GRIP1: variants seen among roughly 807,000 people sequenced by gnomAD.
GRIP1 encodes the protein glutamate receptor interacting protein 1.
A neutral mutation model predicts 129.9 loss-of-function variants in GRIP1; 45 were observed. That is an observed-to-expected ratio of 0.35 (90% CI 0.27 to 0.44). The LOEUF (loss-of-function observed/expected upper bound fraction) is 0.44, where lower values mean the gene tolerates loss of function less well. Among genes scored for constraint, GRIP1 ranks in the 20% least tolerant of loss-of-function variants. The pLI is 1.00. For missense variants in GRIP1, 1,196 were observed against 1,396.8 expected, an observed-to-expected ratio of 0.86 and a Z score of 2.29; for synonymous variants, 530 against 520.8, an observed-to-expected ratio of 1.02 and a Z score of -0.24.
Position 66,392,442 on chromosome 12 carries a change from T to C in GRIP1, c.2330A>G (p.Asp777Gly), listed in dbSNP as rs757781712. The change falls in exon 19 of 25, where the codon GAT becomes GGT. Residue 777 changes from aspartate (D) to glycine (G), a missense_variant. Physicochemically the swap from Asp to Gly is moderately conservative, Grantham distance 94 (BLOSUM62 -1). This residue lies in a region of GRIP1 where 427 missense variants were observed against 463.3 expected (regional missense o/e 0.92). Coordinates refer to ENST00000359742, the MANE Select transcript of GRIP1 (RefSeq NM_001366722.1). ...PISSHLSDLG[D>G]VEEDSSPAQK... ...TGCTGGTGAGGAGTCCTCCTCCACATCCCCCAGGTCACTCAAATGGCTAGA... is the reference window on the plus strand; with the variant it reads ...TGCTGGTGAGGAGTCCTCCTCCACACCCCCCAGGTCACTCAAATGGCTAGA... 1 of 1,614,012 alleles carries C rather than the reference T, an allele frequency of 6.2e-7. No individual in the cohort carries two copies. The highest frequency in any genetic ancestry group is 1.7e-5 in the Admixed American group (1 of 60,012).
intron 1 of GRIP1, among the ~76,000 whole-genome samples, chr12:66,667,386 G>T (rs1194323682): frequency 6.6e-6 from 1 of 152,074 alleles, no homozygotes; most frequent in East Asian, 1.9e-4. Context: ...TGCTTCTGAG[G>T]CTACTCATTA....
intron 1 of GRIP1, among the ~76,000 whole-genome samples, chr12:66,608,171 T>C (rs763416392): frequency 1.3e-5 from 2 of 152,172 alleles, no homozygotes; most frequent in Non-Finnish European, 2.9e-5. Flanking sequence ...ATGACATGTG[T>C]TTTTAATGCA....
At chr12:66,362,766 G>A (rs1291972102) in intron 23 of GRIP1, among the ~76,000 whole-genome samples, 5 of 151,718 alleles carry the variant, frequency 3.3e-5, no homozygotes, top group East Asian at 1.9e-4. Context: ...GGACAGAAGC[G>A]ATAAGATGTA....
chr12:66,592,063 A>G (rs2063867482), intron 2 of GRIP1, among the ~76,000 whole-genome samples: 1 of 152,238 alleles, frequency 6.6e-6, no homozygotes, highest in East Asian at 1.9e-4. Context: ...ATAATAAAAA[A>G]TTACACAAAT....
chr12:67,039,391 T>C (rs1009753050), intron 1 of GRIP1, among the ~76,000 whole-genome samples: 2 of 152,134 alleles, frequency 1.3e-5, no homozygotes, highest in Admixed American at 6.6e-5. Flanking sequence ...CCATTAAAAG[T>C]ATATGAGATG....
intron 1 of GRIP1, among the ~76,000 whole-genome samples, chr12:66,975,734 T>C (rs2042141889): frequency 6.6e-6 from 1 of 152,120 alleles, no homozygotes; most frequent in Non-Finnish European, 1.5e-5. Context: ...GTTCCCATGA[T>C]CCAAGAGAGA....
intron 11 of GRIP1, among the ~76,000 whole-genome samples, chr12:66,453,744 G>A (rs954777077): frequency 2.0e-5 from 3 of 152,170 alleles, no homozygotes; most frequent in African/African-American, 7.2e-5. Context: ...ATTACCCAAT[G>A]AAGTGATTTT....
intron 1 of GRIP1, among the ~76,000 whole-genome samples, chr12:66,888,695 C>T (rs772046449): frequency 3.3e-5 from 5 of 152,094 alleles, no homozygotes; most frequent in Non-Finnish European, 4.4e-5. Flanking sequence ...GTTTAGGTTA[C>T]AGGAATGTGT....
chr12:66,458,463 C>T (rs1365499739), intron 9 of GRIP1, among the ~76,000 whole-genome samples: 1 of 152,200 alleles, frequency 6.6e-6, no homozygotes, highest in Non-Finnish European at 1.5e-5. Context: ...CAGCTCACTG[C>T]AAACTCTGCC....
chr12:66,558,553 T>C (rs1016463202), intron 2 of GRIP1, among the ~76,000 whole-genome samples: 1 of 152,148 alleles, frequency 6.6e-6, no homozygotes, highest in African/African-American at 2.4e-5. Context: ...GGCAAGTATA[T>C]GCCAATAAAT....
rs201867922 is a variant in GRIP1, at chr12:66,444,626, T to C, written c.1645A>G (p.Ile549Val). Residue 549 changes from isoleucine to valine, a missense_variant, in exon 13 of 25, where the codon ATC becomes GTC. Coordinates refer to ENST00000359742, the MANE Select transcript of GRIP1 (RefSeq NM_001366722.1). ...EASQLLRDSS[I>V]TSKVTLEIEF... is the part of the protein sequence containing the mutation. The stretch of plus-strand genomic sequence containing the variant: ...ATTTCCAGTGTGACCTTGCTCGTGA[T>C]TGAAGAGTCTCGGAGGAGCTGACTG... 1.4e-3 allele frequency: 2,235 copies of C among 1,614,166 alleles called. 6 individuals carry two copies. The highest frequency in any genetic ancestry group is 2.1e-3 in the Middle Eastern group (13 of 6,062).
At chr12:66,543,902 A>G (rs2061866004) in intron 2 of GRIP1, among the ~76,000 whole-genome samples, 2 of 152,266 alleles carry the variant, frequency 1.3e-5, no homozygotes, top group South Asian at 4.1e-4. Flanking sequence ...TTCATGAAGA[A>G]GCAACTCTAA....
chr12:66,784,751 C>G (rs974042537), intron 1 of GRIP1, among the ~76,000 whole-genome samples: 1 of 152,208 alleles, frequency 6.6e-6, no homozygotes, highest in Non-Finnish European at 1.5e-5. Context: ...AAAGCATACT[C>G]ATGGGTTACG....
chr12:66,558,870 C>G (rs542634768), intron 2 of GRIP1, among the ~76,000 whole-genome samples: 1 of 152,070 alleles, frequency 6.6e-6, no homozygotes, highest in East Asian at 1.9e-4. Context: ...AACAAAGACA[C>G]ATGAAAAAAG....
At position 66,493,171 on chromosome 12, in the gene GRIP1, T is replaced by G. The variant is rs192643039; in HGVS notation, c.724+22448A>C. Among the ~76,000 whole-genome samples, 620 of 152,326 alleles carry G rather than the reference T, an allele frequency of 4.1e-3. 2 individuals carry two copies. The highest frequency in any genetic ancestry group is 6.4e-3 in the Non-Finnish European group (438 of 68,032). On this transcript the variant is annotated intron_variant, in intron 7 of 24. Coordinates refer to ENST00000359742, the MANE Select transcript of GRIP1 (RefSeq NM_001366722.1). ...AACCCCTCTGGGATGGGCCTGGGCA[T>G]TTTAAATGCTCTGTAGGTGATTCTG...
intron 7 of GRIP1, among the ~76,000 whole-genome samples, chr12:66,467,332 TTCCCCTGA>T (rs2059314000): frequency 6.6e-6 from 1 of 152,008 alleles, no homozygotes; most frequent in African/African-American, 2.4e-5. Context: ...GATGTATTAA[TTCCCCTGA>T]TCTCCTGACA....
At chr12:66,800,669 A>G (rs549512702) in intron 1 of GRIP1, among the ~76,000 whole-genome samples, 2 of 152,300 alleles carry the variant, frequency 1.3e-5, no homozygotes, top group African/African-American at 4.8e-5. Context: ...AGACATTACC[A>G]TAACACAGTA....
chr12:66,569,836 T>C (rs899536112), intron 2 of GRIP1, among the ~76,000 whole-genome samples: 7 of 152,194 alleles, frequency 4.6e-5, no homozygotes, highest in South Asian at 2.1e-4. Flanking sequence ...CTTGAGCTTA[T>C]GGGAAAGTAT....
intron 7 of GRIP1, among the ~76,000 whole-genome samples, chr12:66,507,938 C>T (rs904974014): frequency 6.6e-6 from 1 of 152,110 alleles, no homozygotes; most frequent in Non-Finnish European, 1.5e-5. Context: ...GCCTAGCTAA[C>T]ACTGTAGGGC....
Sources: gnomAD v4.1 joint callset for allele counts (sites outside exome capture counted in the v4.1 genomes callset) on GRCh38, gnomAD v4.1.1 for gene constraint, gnomAD v4.1.1 regional missense constraint, MANE v1.5 for transcripts, NCBI Gene and HGNC (gene_info 2026-07-23, HGNC 2026-07-21) for gene names.